The following SNX6 variants were observed in gnomAD, a reference collection of about 807,000 sequenced individuals.
SNX6 encodes the protein sorting nexin 6.
SNX6 carries 34 observed loss-of-function variants against 63.0 expected under a neutral mutation model. That is an observed-to-expected ratio of 0.54 (90% CI 0.41 to 0.72). The LOEUF (loss-of-function observed/expected upper bound fraction) is 0.72. Ranked by LOEUF, SNX6 falls within the 30% of genes least tolerant of loss-of-function variation. SNX6 has a pLI of 0.00. For synonymous variants in SNX6, 170 were observed against 164.2 expected (o/e 1.04, Z -0.27); for missense variants, 398 against 471.4 (o/e 0.84, Z 1.44).
intron 2 of SNX6, among the ~76,000 whole-genome samples, chr14:34,626,097 T>G (rs1883814761): frequency 6.6e-6 from 1 of 152,108 alleles, no homozygotes; most frequent in Admixed American, 6.6e-5. Flanking sequence ...GATGATGAAA[T>G]ATAATGAAAT....
intron 10 of SNX6, 101 bp downstream of exon 10, chr14:34,581,460 C>G (rs1881931564): frequency 3.1e-6 from 2 of 653,106 alleles, no homozygotes; most frequent in Non-Finnish European, 2.7e-6. Context: ...CAATAGTGAT[C>G]ACTCTTTTAA....
intron 2 of SNX6, among the ~76,000 whole-genome samples, chr14:34,629,241 G>C (rs1198794239): frequency 2.0e-5 from 3 of 151,886 alleles, no homozygotes; most frequent in African/African-American, 7.2e-5. Context: ...TATACCTTAA[G>C]TATATACAAT....
chr14:34,571,720 TACTG>T (rs1326141820), intron 11 of SNX6, among the ~76,000 whole-genome samples: 1 of 152,222 alleles, frequency 6.6e-6, no homozygotes, highest in Non-Finnish European at 1.5e-5. Context: ...TTCTTTTTAT[TACTG>T]AGTACTATTC....
intron 2 of SNX6, among the ~76,000 whole-genome samples, chr14:34,623,353 A>G (rs566948686): frequency 6.6e-6 from 1 of 152,212 alleles, no homozygotes; most frequent in Admixed American, 6.6e-5. Context: ...AGACTAGAAT[A>G]TGGGGGAGGG....
At chr14:34,572,792 T>C (rs536050614) in intron 11 of SNX6, among the ~76,000 whole-genome samples, 1 of 152,082 alleles carries the variant, frequency 6.6e-6, no homozygotes, top group African/African-American at 2.4e-5. Context: ...GCCATTCTCC[T>C]GCCTCAGCCT....
At chr14:34,622,110 C>T (rs1199050902) in intron 2 of SNX6, among the ~76,000 whole-genome samples, 2 of 151,378 alleles carry the variant, frequency 1.3e-5, no homozygotes, top group African/African-American at 2.4e-5. Context: ...AGGCACCTAC[C>T]GTCACACCTG....
intron 4 of SNX6, among the ~76,000 whole-genome samples, chr14:34,606,600 G>A (rs1883030480): frequency 6.6e-6 from 1 of 151,758 alleles, no homozygotes; most frequent in Admixed American, 6.6e-5. Context: ...TTACAGGCAT[G>A]TGCCACCATG....
Position 34,630,128 on chromosome 14 carries a change from G to A in SNX6, c.-12C>T, listed in dbSNP as rs778447946. ...ACACCCACCATCATGGCTGCTCCGA[G>A]GCGAGGGCCGGCGCAGGCGCGCATC... is the stretch of plus-strand genomic sequence containing the variant. On this transcript the variant is annotated 5_prime_UTR_variant, in exon 1 of 14. Coordinates refer to ENST00000362031, the MANE Select transcript of SNX6 (RefSeq NM_152233.4). 2.2e-5 allele frequency: 29 copies of A among 1,337,998 alleles called. 1 individual carries two copies. The Middle Eastern group carries it at 8.3e-4, about 38-fold the overall frequency. 82.9% of individuals were successfully genotyped at this position (1,337,998 alleles called of 1,614,324 possible).
At chr14:34,567,469 T>C (rs552776918) in intron 13 of SNX6, among the ~76,000 whole-genome samples, 182 of 152,076 alleles carry the variant, frequency 1.2e-3, no homozygotes, top group Non-Finnish European at 1.6e-3. Flanking sequence ...GCCTGGGCAA[T>C]AGCGCCAGAC....
chr14:34,562,801 G>T lies in SNX6; in HGVS notation c.*321C>A. 7.5e-6 allele frequency: 2 copies of T among 266,972 alleles called. No homozygotes were observed. Among genetic ancestry groups the T allele is most frequent in the South Asian group, 2.9e-4 (2 of 6,912 alleles). 16.5% of individuals were successfully genotyped at this position (266,972 alleles called of 1,614,324 possible). A position where few individuals can be genotyped will look rare whatever the true frequency, so the allele number is the denominator to read the frequency against. ...AAATTATTTAAAGGTAAATAAGAGT[G>T]GCAGCCATAAGGAATACTATTTATA... On this transcript the variant is annotated 3_prime_UTR_variant, in exon 14 of 14. Transcript: ENST00000362031.
rs1880968867 is a variant in SNX6, at chr14:34,562,422, AG to A, written c.*699del. The A allele has an allele frequency of 6.6e-6, 1 of 152,620 alleles. No individual in the cohort carries two copies. The highest frequency in any genetic ancestry group is 2.1e-4 in the South Asian group (1 of 4,836). 9.5% of individuals were successfully genotyped at this position (152,620 alleles called of 1,614,324 possible). A position where few individuals can be genotyped will look rare whatever the true frequency, so the allele number is the denominator to read the frequency against. ...GCACTGTAAAGCATAATACAGGAGT[AG>A]ATTTATTACAGCTACTCCACATTTT... On this transcript the variant is annotated 3_prime_UTR_variant, in exon 14 of 14. Coordinates refer to ENST00000362031, the MANE Select transcript of SNX6 (RefSeq NM_152233.4).
At chr14:34,619,785 C>G (rs1883558393) in intron 2 of SNX6, among the ~76,000 whole-genome samples, 1 of 152,150 alleles carries the variant, frequency 6.6e-6, no homozygotes, top group African/African-American at 2.4e-5. Context: ...GAATGCCATT[C>G]CAATACCTTT....
chr14:34,599,936 C>G (rs781130113), intron 6 of SNX6, among the ~76,000 whole-genome samples: 3 of 152,032 alleles, frequency 2.0e-5, no homozygotes, highest in Admixed American at 6.6e-5. Context: ...TTCTTCATAG[C>G]TCAAATTCTA....
chr14:34,604,317 G>C, intron 5 of SNX6: 1 of 1,216,114 alleles, frequency 8.2e-7, no homozygotes, highest in South Asian at 1.5e-5. Context: ...GAAAATCACA[G>C]ATTCTTCGAT....
intron 8 of SNX6, among the ~76,000 whole-genome samples, chr14:34,589,091 G>A (rs925563905): frequency 3.3e-5 from 5 of 152,100 alleles, no homozygotes; most frequent in South Asian, 2.1e-4. Context: ...CCAAGATCAC[G>A]TCACTGCACT....
At chr14:34,596,621 GAA>G (rs71121212) in intron 7 of SNX6, among the ~76,000 whole-genome samples, 2 of 131,440 alleles carry the variant, frequency 1.5e-5, no homozygotes, top group Non-Finnish European at 1.6e-5. Context: ...TCTATCTCAG[GAA>G]AAAAAAAAAA....
At chr14:34,591,918 A>G (rs1034289128) in intron 8 of SNX6, among the ~76,000 whole-genome samples, 4 of 152,218 alleles carry the variant, frequency 2.6e-5, no homozygotes, top group Admixed American at 6.6e-5. Context: ...TCACAACTCT[A>G]TCACTAAAAT....
chr14:34,593,888 A>AT (rs1882499782), intron 7 of SNX6, among the ~76,000 whole-genome samples: 1 of 151,454 alleles, frequency 6.6e-6, no homozygotes, highest in Non-Finnish European at 1.5e-5. Context: ...TAATTTTTGT[A>AT]TTTTTTTAGT....
intron 2 of SNX6, among the ~76,000 whole-genome samples, chr14:34,623,027 C>T (rs149140869): frequency 0.011 from 1,706 of 152,280 alleles, 29 homozygotes; most frequent in Non-Finnish European, 0.013. Flanking sequence ...TTTGTACTCC[C>T]ATACACTTCA....
Sources: gnomAD v4.1 joint callset for allele counts (sites outside exome capture counted in the v4.1 genomes callset) on GRCh38, gnomAD v4.1.1 for gene constraint, MANE v1.5 for transcripts, NCBI Gene and HGNC (gene_info 2026-07-23, HGNC 2026-07-21) for gene names.